MCUR1: variants seen among roughly 807,000 people sequenced by gnomAD.
The protein encoded by MCUR1 is MCU regulator 1.
In MCUR1, 37 loss-of-function variants were observed where a neutral mutation model predicts 42.0. The ratio of observed to expected loss-of-function variants is 0.88; its 90% confidence interval spans 0.68 to 1.16. MCUR1 has a LOEUF of 1.16. MCUR1 is among the 50% of genes most tolerant of loss of function. MCUR1 has a pLI of 0.00. For missense variants in MCUR1, 469 were observed against 468.4 expected (o/e 1.00, Z -0.01); for synonymous variants, 229 against 196.2 (o/e 1.17, Z -1.40).
rs186184217 is a variant in MCUR1, at chr6:13,787,111, G to A, written c.*3698C>T. 6.6e-6 allele frequency: 1 copy of A among 152,254 alleles called. No homozygotes were observed. The highest frequency in any genetic ancestry group is 6.5e-5 in the Admixed American group (1 of 15,278). The allele number at this position is 152,254 out of a possible 1,614,324, so 9.4% of individuals were successfully genotyped here. A position where few individuals can be genotyped will look rare whatever the true frequency, so the allele number is the denominator to read the frequency against. ...CATGTTAGGGTGGGGGAAGATAAATGCTTGCCAATACTGACATGGTTAATT... is the reference window on the plus strand; with the variant it reads ...CATGTTAGGGTGGGGGAAGATAAATACTTGCCAATACTGACATGGTTAATT... On this transcript the variant is annotated 3_prime_UTR_variant, in exon 9 of 9. Coordinates refer to ENST00000379170, the MANE Select transcript of MCUR1 (RefSeq NM_001031713.4).
At chr6:13,804,737 C>T (rs1473686181) in intron 2 of MCUR1, among the ~76,000 whole-genome samples, 2 of 145,818 alleles carry the variant, frequency 1.4e-5, no homozygotes, top group South Asian at 2.2e-4. Flanking sequence ...TTGCAGTGAG[C>T]CGAGATTGTG....
chr6:13,801,215 C>CT, intron 4 of MCUR1, 73 bp downstream of exon 4: 1 of 1,013,922 alleles, frequency 9.9e-7, no homozygotes, highest in African/African-American at 1.6e-5. Context: ...AACGTGTGCT[C>CT]TTTTATGTGT....
chr6:13,814,545 A>C lies in MCUR1; in HGVS notation c.-116T>G. 3 of 915,794 alleles carry C rather than the reference A, an allele frequency of 3.3e-6. No homozygotes were observed. The highest frequency in any genetic ancestry group is 9.4e-5 in the East Asian group (1 of 10,608). The allele number at this position is 915,794 out of a possible 1,614,324, so 56.7% of individuals were successfully genotyped here. On this transcript the variant is annotated 5_prime_UTR_variant, in exon 1 of 9. Transcript: ENST00000379170. ...GAGCGAGCGTGGGCCACAGCGCAGG[A>C]CCGCCCTTTCCTGCCGGGCGCGCGG...
Position 13,791,866 on chromosome 6 carries a change from A to G in MCUR1, c.1024+12T>C. 6.3e-7 allele frequency: 1 copy of G among 1,584,478 alleles called. No individual in the cohort carries two copies. The highest frequency in any genetic ancestry group is 8.6e-7 in the Non-Finnish European group (1 of 1,156,186). Reference sequence around the variant, plus strand: ...TTTTCAGGTTGATTTAAATAGATACAAAATAGCTTACCTGCTAAATATTTA... The same window carrying G: ...TTTTCAGGTTGATTTAAATAGATACGAAATAGCTTACCTGCTAAATATTTA... On this transcript the variant is annotated intron_variant, in intron 8 of 8. Coordinates refer to ENST00000379170, the MANE Select transcript of MCUR1 (RefSeq NM_001031713.4).
At chr6:13,808,810 T>C (rs1364769643) in intron 1 of MCUR1, among the ~76,000 whole-genome samples, 3 of 152,228 alleles carry the variant, frequency 2.0e-5, no homozygotes, top group Non-Finnish European at 2.9e-5. Context: ...GCTGTAAGCA[T>C]GAGGCCTTGT....
At chr6:13,800,714 CACTTT>C (rs1234564863) in intron 4 of MCUR1, among the ~76,000 whole-genome samples, 1 of 152,128 alleles carries the variant, frequency 6.6e-6, no homozygotes, top group East Asian at 1.9e-4. Flanking sequence ...GAAACTTTAC[CACTTT>C]ACTTTTTGCT....
At position 13,801,276 on chromosome 6, in the gene MCUR1, GCT is replaced by G; in HGVS notation, c.741+10_741+11del. The G allele has an allele frequency of 6.5e-7, 1 of 1,542,778 alleles. No individual in the cohort carries two copies. The highest frequency in any genetic ancestry group is 1.7e-5 in the Admixed American group (1 of 59,408). On this transcript the variant is annotated intron_variant, in intron 4 of 8. Coordinates refer to ENST00000379170, the MANE Select transcript of MCUR1 (RefSeq NM_001031713.4). ...ATAATCAACTTTCTAAGTGTGAGAG[GCT>G]CTGTTTTACCTCATTTTCTGCTCTG...
intron 7 of MCUR1, among the ~76,000 whole-genome samples, chr6:13,792,502 A>G (rs1289936851): frequency 2.0e-5 from 3 of 152,220 alleles, no homozygotes; most frequent in Non-Finnish European, 4.4e-5. Context: ...CATATTTTTA[A>G]AAAACTTTCT....
intron 2 of MCUR1, among the ~76,000 whole-genome samples, chr6:13,804,814 A>G (rs964267732): frequency 1.8e-4 from 27 of 148,898 alleles, no homozygotes; most frequent in African/African-American, 6.0e-4. Context: ...AAAAAAAAAA[A>G]GTGGAAGTCT....
At chr6:13,805,385 T>C (rs1314397712) in intron 2 of MCUR1, among the ~76,000 whole-genome samples, 1 of 152,190 alleles carries the variant, frequency 6.6e-6, no homozygotes, top group Non-Finnish European at 1.5e-5. Flanking sequence ...AGCCTACTGT[T>C]TGACAGGAAA....
intron 2 of MCUR1, among the ~76,000 whole-genome samples, chr6:13,805,154 C>G (rs1339826713): frequency 1.3e-5 from 2 of 150,478 alleles, no homozygotes; most frequent in East Asian, 3.9e-4. Flanking sequence ...TTCTGCTTAT[C>G]AATTTTTTTT....
Position 13,789,203 on chromosome 6 carries a change from C to T in MCUR1, c.*1606G>A, listed in dbSNP as rs367996155. 1 of 152,258 alleles carries T rather than the reference C, an allele frequency of 6.6e-6. No individual in the cohort carries two copies. The highest frequency in any genetic ancestry group is 2.4e-5 in the African/African-American group (1 of 41,448). The allele number at this position is 152,258 out of a possible 1,614,324, so 9.4% of individuals were successfully genotyped here. ...GAATCACGAGGTCAGGAGTTAGAGA[C>T]CAGCCTGGCCAACATGGTGAAACCT... is the stretch of plus-strand genomic sequence containing the variant. On this transcript the variant is annotated 3_prime_UTR_variant, in exon 9 of 9. Transcript: ENST00000379170.
chr6:13,804,814 A>AAAAAAAAAAAAAAAAAG (rs1230089057), intron 2 of MCUR1, among the ~76,000 whole-genome samples: 12 of 148,888 alleles, frequency 8.1e-5, no homozygotes, highest in African/African-American at 3.0e-4. Context: ...AAAAAAAAAA[A>AAAAAAAAAAAAAAAAAG]GTGGAAGTCT....
rs1330313650 is a variant in MCUR1, at chr6:13,790,659, G to GTGAAA, written c.*149_*150insTTTCA. ...GTAGAGACGGGGTTTCACCGTGTTG[G>GTGAAA]CCAGGCTGGTCTCGAACTCCTGACC... On this transcript the variant is annotated 3_prime_UTR_variant, in exon 9 of 9. Coordinates refer to ENST00000379170, the MANE Select transcript of MCUR1 (RefSeq NM_001031713.4). 4.0e-6 allele frequency: 2 copies of GTGAAA among 497,892 alleles called. No homozygotes were observed. Among genetic ancestry groups the GTGAAA allele is most frequent in the Admixed American group, 3.5e-5 (1 of 28,706 alleles). 30.8% of individuals were successfully genotyped at this position (497,892 alleles called of 1,614,324 possible). A position where few individuals can be genotyped will look rare whatever the true frequency, so the allele number is the denominator to read the frequency against.
chr6:13,809,369 T>C (rs1247102017), intron 1 of MCUR1, among the ~76,000 whole-genome samples: 2 of 152,220 alleles, frequency 1.3e-5, no homozygotes, highest in Non-Finnish European at 2.9e-5. Flanking sequence ...TCTTTAATCA[T>C]AAGAGATATC....
intron 1 of MCUR1, among the ~76,000 whole-genome samples, chr6:13,810,031 C>A (rs553403942): frequency 3.4e-4 from 52 of 151,928 alleles, no homozygotes; most frequent in Admixed American, 1.5e-3. Flanking sequence ...GGTGAAACCC[C>A]GTATCTACTA....
intron 1 of MCUR1, among the ~76,000 whole-genome samples, chr6:13,807,505 T>C (rs1760136690): frequency 6.6e-6 from 1 of 152,246 alleles, no homozygotes; most frequent in South Asian, 2.1e-4. Flanking sequence ...TTTCTTTGTA[T>C]TGCTGAATAC....
At chr6:13,793,670 G>A (rs1039081180) in intron 7 of MCUR1, among the ~76,000 whole-genome samples, 3 of 152,214 alleles carry the variant, frequency 2.0e-5, no homozygotes, top group Non-Finnish European at 4.4e-5. Flanking sequence ...AGCCAGTGGC[G>A]ATGGTTGCCC....
intron 1 of MCUR1, 93 bp downstream of exon 1, chr6:13,813,922 G>A: frequency 8.4e-7 from 1 of 1,194,786 alleles, no homozygotes. Context: ...CCGGCCTGCC[G>A]GGCCTTTCCT....
Sources: allele counts gnomAD v4.1 joint callset (sites outside exome capture counted in the v4.1 genomes callset), GRCh38; gene constraint gnomAD v4.1.1; transcripts MANE v1.5; gene names NCBI Gene and HGNC (gene_info 2026-07-23, HGNC 2026-07-21).